Variants in DNAJC6 observed in about 807,000 individuals in gnomAD.
DNAJC6 encodes DnaJ heat shock protein family (Hsp40) member C6.
In DNAJC6, 34 loss-of-function variants were observed where a neutral mutation model predicts 110.0. The observed-to-expected ratio is 0.31, with a 90% confidence interval of 0.24 to 0.41. DNAJC6 has a LOEUF of 0.41. Among genes scored for constraint, DNAJC6 ranks in the 10% least tolerant of loss-of-function variants. The probability of loss-of-function intolerance (pLI) is 1.00; values close to 1 mark genes in which losing one functional copy is unlikely to be tolerated. For missense variants in DNAJC6, 1,031 were observed against 1,207.8 expected (o/e 0.85, Z 2.17); for synonymous variants, 406 against 437.2 (o/e 0.93, Z 0.89).
chr1:65,315,718 C>A (rs555307587), intron 1 of DNAJC6, among the ~76,000 whole-genome samples: 23 of 152,234 alleles, frequency 1.5e-4, no homozygotes, highest in African/African-American at 5.5e-4. Flanking sequence ...ATGATAGTAA[C>A]GGTCATCTTA....
intron 4 of DNAJC6, among the ~76,000 whole-genome samples, chr1:65,378,326 C>T (rs1645786541): frequency 1.3e-5 from 2 of 152,200 alleles, no homozygotes; most frequent in South Asian, 4.1e-4. Context: ...TACACTCTCA[C>T]CATGAAGGAC....
chr1:65,405,120 A>G (rs1646063209), intron 15 of DNAJC6, among the ~76,000 whole-genome samples: 1 of 152,212 alleles, frequency 6.6e-6, no homozygotes, highest in Non-Finnish European at 1.5e-5. Flanking sequence ...TTTTGGACAT[A>G]GCCCAGCTTG....
intron 17 of DNAJC6, 142 bp from the exon 18 acceptor site, chr1:65,411,108 G>A: frequency 1.5e-6 from 1 of 678,950 alleles, no homozygotes; most frequent in Non-Finnish European, 2.3e-6. Flanking sequence ...AGCATTCCAG[G>A]TAGAGGAAAC....
chr1:65,335,601 C>T (rs1046025994), intron 1 of DNAJC6, among the ~76,000 whole-genome samples: 5 of 152,086 alleles, frequency 3.3e-5, no homozygotes, highest in African/African-American at 9.7e-5. Context: ...AGGGAAGCCG[C>T]GTGGCTCACT....
At chr1:65,379,753 G>A (rs958477618) in intron 5 of DNAJC6, 20 of 476,298 alleles carry the variant, frequency 4.2e-5, no homozygotes, top group Non-Finnish European at 7.2e-5. Flanking sequence ...ACATAGTGTG[G>A]GGACTCTAGA....
intron 1 of DNAJC6, among the ~76,000 whole-genome samples, chr1:65,356,125 A>G (rs1645541285): frequency 6.6e-6 from 1 of 152,094 alleles, no homozygotes; most frequent in Non-Finnish European, 1.5e-5. Flanking sequence ...TGTAATGCCT[A>G]ACCTCTTGTT....
At chr1:65,310,782 A>T (rs544464232) in intron 1 of DNAJC6, among the ~76,000 whole-genome samples, 3 of 152,316 alleles carry the variant, frequency 2.0e-5, no homozygotes, top group African/African-American at 7.2e-5. Flanking sequence ...GAGTATTATT[A>T]TAGCTATTTG....
intron 13 of DNAJC6, among the ~76,000 whole-genome samples, chr1:65,395,240 T>G (rs889164766): frequency 2.0e-5 from 3 of 152,240 alleles, no homozygotes; most frequent in African/African-American, 7.2e-5. Context: ...TGTTTTGCTC[T>G]GCTTTCCTAT....
chr1:65,351,789 G>T (rs552167241), intron 1 of DNAJC6, among the ~76,000 whole-genome samples: 1 of 152,150 alleles, frequency 6.6e-6, no homozygotes, highest in East Asian at 1.9e-4. Flanking sequence ...TCTTAAGATG[G>T]AGTTTCGCTC....
intron 1 of DNAJC6, among the ~76,000 whole-genome samples, chr1:65,342,599 G>A (rs1645399132): frequency 6.6e-6 from 1 of 152,126 alleles, no homozygotes; most frequent in Non-Finnish European, 1.5e-5. Flanking sequence ...AGCCCAAATG[G>A]TCTAAGACAA....
chr1:65,286,682 G>T (rs925148536), intron 1 of DNAJC6, among the ~76,000 whole-genome samples: 3 of 152,234 alleles, frequency 2.0e-5, no homozygotes, highest in African/African-American at 4.8e-5. Context: ...GTGAGGTGAT[G>T]AATGTAAATT....
chr1:65,365,520 A>C (rs1342855437), intron 2 of DNAJC6, among the ~76,000 whole-genome samples: 2 of 152,164 alleles, frequency 1.3e-5, no homozygotes. Flanking sequence ...TTTTTTCTCA[A>C]CCACTTCTTC....
chr1:65,392,574 C>G lies in DNAJC6; in HGVS notation c.1612C>G (p.Pro538Ala). 4.3e-6 allele frequency: 7 copies of G among 1,614,036 alleles called. No homozygotes were observed. Among genetic ancestry groups the G allele is most frequent in the Non-Finnish European group, 5.9e-6 (7 of 1,179,984 alleles). The change falls in exon 12 of 19, where the codon CCC (proline) becomes GCC (alanine). Residue 538 changes from proline (P) to alanine (A), a missense_variant. Coordinates refer to ENST00000371069, the MANE Select transcript of DNAJC6 (RefSeq NM_001256864.2). ...NGDKPHGVKKPSKKQQEPAAP... is the reference protein window; with the variant it reads ...NGDKPHGVKKASKKQQEPAAP... ...TGACAAGCCTCATGGAGTCAAGAAG[C>G]CCAGCAAAAAGCAGCAGGAGCCAGC... is the stretch of plus-strand genomic sequence containing the variant.
chr1:65,323,132 A>C, intron 1 of DNAJC6, among the ~76,000 whole-genome samples: 1 of 152,202 alleles, frequency 6.6e-6, no homozygotes. Flanking sequence ...AACATTGCTG[A>C]CTAGCTTTGT....
upstream of DNAJC6, among the ~76,000 whole-genome samples, chr1:65,305,560 T>A (rs142989983): frequency 2.6e-5 from 4 of 152,352 alleles, no homozygotes; most frequent in Admixed American, 2.6e-4. Flanking sequence ...ACATTTTTGT[T>A]TATTCATTAA....
At position 65,309,836 on chromosome 1, in the gene DNAJC6, G is replaced by A; in HGVS notation, c.91G>A (p.Gly31Arg). Residue 31 changes from glycine (G) to arginine (R), a missense_variant, in exon 1 of 19, where the codon GGA becomes AGA. Transcript: ENST00000371069. ...GGACAGTAACGGGGACTTAAGTGCG[G>A]GAAGCGGCGGGGTTGGCGGCAAGCA... ...LVDSNGDLSA[G>R]SGGVGGKQRV... 3.2e-6 allele frequency: 5 copies of A among 1,548,952 alleles called. No individual in the cohort carries two copies. Among genetic ancestry groups the A allele is most frequent in the Non-Finnish European group, 4.4e-6 (5 of 1,146,234 alleles).
At position 65,392,856 on chromosome 1, in the gene DNAJC6, G is replaced by A; in HGVS notation, c.1894G>A (p.Val632Met). The change falls in exon 12 of 19, where the codon GTG becomes ATG. Residue 632 changes from valine (V) to methionine (M), a missense_variant. Transcript: ENST00000371069. ...CACCTCTGCGTCTCCAACCCTAAGAGTGGGAGAAGGTAATTTTTTCTATGT... is the reference window on the plus strand; with the variant it reads ...CACCTCTGCGTCTCCAACCCTAAGAATGGGAGAAGGTAATTTTTTCTATGT... ...TSTSASPTLR[V>M]GEGATFDPFG... The A allele has an allele frequency of 1.3e-6, 2 of 1,512,746 alleles. No individual in the cohort carries two copies. The highest frequency in any genetic ancestry group is 1.8e-6 in the Non-Finnish European group (2 of 1,131,704). 93.7% of individuals were successfully genotyped at this position (1,512,746 alleles called of 1,614,324 possible).
chr1:65,360,548 AATGTTACAGGG>A (rs1375634856), intron 1 of DNAJC6, among the ~76,000 whole-genome samples: 2 of 152,178 alleles, frequency 1.3e-5, no homozygotes, highest in African/African-American at 4.8e-5. Flanking sequence ...AACACATGAA[AATGTTACAGGG>A]ATGGAAATGG....
intron 18 of DNAJC6, among the ~76,000 whole-genome samples, chr1:65,412,223 T>C (rs963588237): frequency 5.3e-5 from 8 of 152,224 alleles, no homozygotes; most frequent in Non-Finnish European, 8.8e-5. Flanking sequence ...TTGAAGTATA[T>C]ATACATCTAA....
Sources: allele counts gnomAD v4.1 joint callset (sites outside exome capture counted in the v4.1 genomes callset), GRCh38; gene constraint gnomAD v4.1.1; transcripts MANE v1.5; gene names NCBI Gene and HGNC (gene_info 2026-07-23, HGNC 2026-07-21).